The following DIAPH2 variants were observed in gnomAD, a reference collection of about 807,000 sequenced individuals.
The protein encoded by DIAPH2 is diaphanous related formin 2.
Under a neutral mutation model 92.7 loss-of-function variants are expected in DIAPH2, and 35 were observed. The ratio of observed to expected loss-of-function variants is 0.38; its 90% CI spans 0.29 to 0.50. DIAPH2 has a LOEUF of 0.50. Ranked by LOEUF, DIAPH2 falls within the 20% of genes least tolerant of loss-of-function variation. DIAPH2 has a pLI of 0.94. For synonymous variants in DIAPH2, 301 were observed against 280.4 expected (o/e 1.07, Z -0.73); for missense variants, 701 against 819.5 (o/e 0.86, Z 1.77).
intron 23 of DIAPH2, among the ~76,000 whole-genome samples, chrX:97,326,281 A>G (rs781204448): frequency 3.6e-5 from 4 of 112,303 alleles, no homozygotes; most frequent in South Asian, 3.7e-4. Flanking sequence ...AGTGGGTAGC[A>G]TATGGAATAC....
At chrX:97,513,982 T>G (rs2070917385) in intron 26 of DIAPH2, among the ~76,000 whole-genome samples, 1 of 106,687 alleles carries the variant, frequency 9.4e-6, no homozygotes, top group Non-Finnish European at 1.9e-5. Flanking sequence ...CTGACAATTA[T>G]GTGTCTTGGA....
At chrX:97,147,316 A>T (rs2067254292) in intron 22 of DIAPH2, among the ~76,000 whole-genome samples, 1 of 106,696 alleles carries the variant, frequency 9.4e-6, no homozygotes, top group Non-Finnish European at 1.9e-5. Flanking sequence ...AAAACATTGA[A>T]TTTTTTTTTT....
intron 21 of DIAPH2, among the ~76,000 whole-genome samples, chrX:97,124,250 T>C (rs2067076653): frequency 8.9e-6 from 1 of 112,551 alleles, no homozygotes; most frequent in African/African-American, 3.2e-5. Context: ...TCTCAAAATA[T>C]CTTTTTGAAA....
intron 22 of DIAPH2, among the ~76,000 whole-genome samples, chrX:97,144,622 G>A (rs1386242695): frequency 9.5e-6 from 1 of 105,558 alleles, no homozygotes; most frequent in African/African-American, 3.5e-5. Flanking sequence ...TATATAGCGT[G>A]TATATATATA....
chrX:97,092,216 T>C (rs968553903), intron 19 of DIAPH2, among the ~76,000 whole-genome samples: 3 of 112,413 alleles, frequency 2.7e-5, no homozygotes, highest in East Asian at 5.6e-4. Flanking sequence ...TTTAAAAATG[T>C]CTTGCCAAGT....
chrX:97,200,757 C>G (rs182725193), intron 22 of DIAPH2, among the ~76,000 whole-genome samples: 3 of 111,711 alleles, frequency 2.7e-5, no homozygotes, highest in East Asian at 5.7e-4. Flanking sequence ...TCCTGCCTGC[C>G]GGCTTCGAAG....
At chrX:97,480,519 A>G (rs2070643272) in intron 26 of DIAPH2, among the ~76,000 whole-genome samples, 1 of 111,720 alleles carries the variant, frequency 9.0e-6, no homozygotes, top group Non-Finnish European at 1.9e-5. Flanking sequence ...AAAGTCCCCA[A>G]AGAATACATA....
intron 5 of DIAPH2, among the ~76,000 whole-genome samples, chrX:96,911,722 A>C (rs990619747): frequency 2.7e-5 from 3 of 111,598 alleles, no homozygotes; most frequent in African/African-American, 6.5e-5. Context: ...ATTGCATCAA[A>C]GCAATTATTA....
chrX:96,696,294 A>G (rs1429731102), intron 1 of DIAPH2, among the ~76,000 whole-genome samples: 3 of 112,110 alleles, frequency 2.7e-5, no homozygotes, highest in Non-Finnish European at 5.6e-5. Flanking sequence ...AGATAAGCCG[A>G]CTACTTTTTA....
At chrX:97,336,128 C>A (rs1249471269) in intron 23 of DIAPH2, among the ~76,000 whole-genome samples, 1 of 110,917 alleles carries the variant, frequency 9.0e-6, no homozygotes, top group East Asian at 2.8e-4. Context: ...CGTCATCTTT[C>A]AAGAAGCATT....
At chrX:96,948,502 G>T (rs2147809232) in intron 14 of DIAPH2, among the ~76,000 whole-genome samples, 1 of 111,856 alleles carries the variant, frequency 8.9e-6, no homozygotes, top group South Asian at 3.8e-4. Flanking sequence ...GAACCCAGGA[G>T]GTGGAGGTTG....
chrX:96,878,643 G>A (rs1008214852), intron 4 of DIAPH2, among the ~76,000 whole-genome samples: 1 of 111,241 alleles, frequency 9.0e-6, no homozygotes, highest in East Asian at 2.8e-4. Context: ...ACTTGGGTGG[G>A]GAGTGAGCCA....
intron 1 of DIAPH2, among the ~76,000 whole-genome samples, chrX:96,722,043 T>C (rs781571062): frequency 8.9e-6 from 1 of 111,913 alleles, no homozygotes; most frequent in East Asian, 2.8e-4. Context: ...TAGGTATTCA[T>C]GTCTACAATT....
chrX:96,790,121 G>A (rs761994727), intron 4 of DIAPH2, among the ~76,000 whole-genome samples: 2 of 107,799 alleles, frequency 1.9e-5, no homozygotes, highest in South Asian at 8.3e-4. Flanking sequence ...CCAGGCTGGA[G>A]TGCAATGGTG....
chrX:97,015,112 C>T (rs2066251562), intron 17 of DIAPH2, among the ~76,000 whole-genome samples: 1 of 111,252 alleles, frequency 9.0e-6, no homozygotes, highest in Non-Finnish European at 1.9e-5. Flanking sequence ...TACATGAAAA[C>T]ATATTTCAGA....
At chrX:97,405,916 G>A in intron 25 of DIAPH2, among the ~76,000 whole-genome samples, 1 of 111,571 alleles carries the variant, frequency 9.0e-6, no homozygotes, top group Middle Eastern at 4.7e-3. Flanking sequence ...CTGGCTGTGA[G>A]ATAATTTTCT....
intron 16 of DIAPH2, among the ~76,000 whole-genome samples, chrX:96,959,046 A>G (rs1176173908): frequency 8.9e-6 from 1 of 111,736 alleles, no homozygotes; most frequent in Non-Finnish European, 1.9e-5. Flanking sequence ...CTAGTGCTGC[A>G]ATAAACATGA....
At chrX:97,008,318 C>T (rs1418888829) in intron 17 of DIAPH2, among the ~76,000 whole-genome samples, 1 of 109,923 alleles carries the variant, frequency 9.1e-6, no homozygotes, top group Non-Finnish European at 1.9e-5. Flanking sequence ...CAAATTCCTT[C>T]TCTGTGTTAT....
intron 26 of DIAPH2, among the ~76,000 whole-genome samples, chrX:97,537,112 G>A (rs1024899538): frequency 9.0e-6 from 1 of 111,711 alleles, no homozygotes; most frequent in African/African-American, 3.3e-5. Flanking sequence ...GGCAGAAAAA[G>A]TATTTGAATT....
Sources: allele counts gnomAD v4.1 joint callset (sites outside exome capture counted in the v4.1 genomes callset), GRCh38; gene constraint gnomAD v4.1.1; transcripts MANE v1.5; gene names NCBI Gene and HGNC (gene_info 2026-07-23, HGNC 2026-07-21).